The following NECAP1 variants were observed in gnomAD, a reference collection of about 807,000 sequenced individuals.
The protein encoded by NECAP1 is adaptin ear-binding coat-associated protein 1.
A neutral mutation model predicts 33.4 loss-of-function variants in NECAP1; 13 were observed. The ratio of observed to expected loss-of-function variants is 0.39; its 90% confidence interval spans 0.25 to 0.62. The LOEUF is 0.62. Among genes scored for constraint, NECAP1 ranks in the 20% least tolerant of loss-of-function variants. The probability of loss-of-function intolerance (pLI) is 0.52; values close to 1 mark genes in which losing one functional copy is unlikely to be tolerated. For synonymous variants in NECAP1, 109 were observed against 125.2 expected (o/e 0.87, Z 0.86); for missense variants, 272 against 347.4 (o/e 0.78, Z 1.73).
At chr12:8,082,771 C>G (rs1947452554) in intron 1 of NECAP1, 1 of 114,814 alleles carries the variant, frequency 8.7e-6, no homozygotes, top group South Asian at 1.6e-4. Context: ...CTCTCTCTCT[C>G]TCTCACACAC....
chr12:8,085,686 C>CTTCTTT (rs1947481617), intron 1 of NECAP1, among the ~76,000 whole-genome samples: 10 of 104,810 alleles, frequency 9.5e-5, no homozygotes, highest in African/African-American at 1.3e-4. Flanking sequence ...ACTTAATCTT[C>CTTCTTT]TTTTTTTTTT....
chr12:8,087,755 A>G (rs1010751603), intron 1 of NECAP1, among the ~76,000 whole-genome samples: 5 of 152,136 alleles, frequency 3.3e-5, no homozygotes, highest in African/African-American at 4.8e-5. Flanking sequence ...GTAATAACTC[A>G]TTAATATAAT....
intron 1 of NECAP1, among the ~76,000 whole-genome samples, chr12:8,085,194 A>G (rs1180750107): frequency 2.6e-5 from 4 of 152,192 alleles, no homozygotes; most frequent in South Asian, 2.1e-4. Context: ...TAATTTTTGT[A>G]TATTTAGTAG....
chr12:8,083,421 C>CTTTTTTTTTTTTTTT (rs71042328), intron 1 of NECAP1, among the ~76,000 whole-genome samples: 5 of 65,844 alleles, frequency 7.6e-5, no homozygotes, highest in Non-Finnish European at 1.3e-4. Flanking sequence ...TTTGTTTGTT[C>CTTTTTTTTTTTTTTT]TTTTTTTTTT....
At chr12:8,084,416 G>T (rs1947469349) in intron 1 of NECAP1, among the ~76,000 whole-genome samples, 1 of 152,116 alleles carries the variant, frequency 6.6e-6, no homozygotes, top group South Asian at 2.1e-4. Flanking sequence ...TGCACCCTGT[G>T]TGCTTCCATA....
chr12:8,082,677 A>T (rs1160572397), intron 1 of NECAP1: 2 of 368,974 alleles, frequency 5.4e-6, no homozygotes, highest in East Asian at 9.7e-5. Context: ...CCCATCATGC[A>T]CTTTCAGTCG....
At chr12:8,083,387 G>A (rs1292876685) in intron 1 of NECAP1, among the ~76,000 whole-genome samples, 1 of 147,518 alleles carries the variant, frequency 6.8e-6, no homozygotes, top group East Asian at 2.0e-4. Flanking sequence ...TGTAGGAAAT[G>A]CAATAAAGCA....
chr12:8,085,675 CACTT>C (rs1248555804), intron 1 of NECAP1, among the ~76,000 whole-genome samples: 4 of 146,468 alleles, frequency 2.7e-5, no homozygotes, highest in Non-Finnish European at 4.5e-5. Flanking sequence ...AGGATCCTCT[CACTT>C]AATCTTCTTT....
Position 8,097,710 on chromosome 12 carries a change from T to A in NECAP1, c.*1620T>A, listed in dbSNP as rs770108450. The A allele has an allele frequency of 1.6e-4, 24 of 152,642 alleles. No individual in the cohort carries two copies. The highest frequency in any genetic ancestry group is 3.4e-4 in the Non-Finnish European group (23 of 68,036). The allele number at this position is 152,642 out of a possible 1,614,324, so 9.5% of individuals were successfully genotyped here. A position where few individuals can be genotyped will look rare whatever the true frequency, so the allele number is the denominator to read the frequency against. ...TGAAAAATGGAAAATGTTTAAGATA[T>A]ATGTATATAAAGTGTATGCTGTATT... On this transcript the variant is annotated 3_prime_UTR_variant, in exon 8 of 8. Coordinates refer to ENST00000339754, the MANE Select transcript of NECAP1 (RefSeq NM_015509.4).
At position 8,090,313 on chromosome 12, in the gene NECAP1, G is replaced by A. The variant is rs758362815; in HGVS notation, c.301+14G>A. The A allele has an allele frequency of 2.1e-5, 33 of 1,609,398 alleles. No homozygotes were observed. Among genetic ancestry groups the A allele is most frequent in the Non-Finnish European group, 1.5e-5 (18 of 1,175,888 alleles). On this transcript the variant is annotated intron_variant, in intron 3 of 7. Transcript: ENST00000339754. ...AGGATGGTACTGGTAAGAGAACTGG[G>A]ATTTTGAGTGGAACGAAGTTAGGAA...
intron 1 of NECAP1, among the ~76,000 whole-genome samples, chr12:8,087,014 TAAAAA>T (rs796203612): frequency 0.012 from 1,701 of 146,534 alleles, 17 homozygotes; most frequent in Middle Eastern, 0.025. Context: ...TATTTTTTTT[TAAAAA>T]AAAATTCTTC....
chr12:8,090,278 A>G lies in NECAP1; in HGVS notation c.280A>G (p.Ile94Val). The change falls in exon 3 of 8, where the codon ATC (isoleucine) becomes GTC (valine). Residue 94 changes from isoleucine to valine, a missense_variant. Physicochemically the swap from Ile to Val is conservative, Grantham distance 29. Transcript: ENST00000339754. The part of the protein sequence containing the change: ...TVTDSSRYFV[I>V]RIQDGTGRSA... ...GACAGATTCTAGCCGCTACTTTGTA[A>G]TCCGGATCCAGGATGGTACTGGTAA... 1 of 1,614,204 alleles carries G rather than the reference A, an allele frequency of 6.2e-7. No individual in the cohort carries two copies. The highest frequency in any genetic ancestry group is 8.5e-7 in the Non-Finnish European group (1 of 1,180,032).
rs1591597773 is a variant in NECAP1 at position 8,096,179 on chromosome 12, C to T, written c.*89C>T. 5.2e-6 allele frequency: 7 copies of T among 1,349,774 alleles called. No individual in the cohort carries two copies. In the East Asian group the frequency reaches 1.4e-4, roughly 27 times the overall value. The allele number at this position is 1,349,774 out of a possible 1,614,324, so 83.6% of individuals were successfully genotyped here. ...TGTGAGGGAAGTTAGGAACCCATTT[C>T]CTCCCCAGAACCAGAATGACTGGAC... On this transcript the variant is annotated 3_prime_UTR_variant, in exon 8 of 8. Transcript: ENST00000339754.
At chr12:8,083,067 C>A (rs1463958202) in intron 1 of NECAP1, 1 of 152,260 alleles carries the variant, frequency 6.6e-6, no homozygotes, top group East Asian at 1.9e-4. Context: ...TCCCTACCTC[C>A]CTTCTTAACC....
intron 1 of NECAP1, chr12:8,083,040 G>A (rs977489688): frequency 2.6e-5 from 4 of 152,200 alleles, no homozygotes; most frequent in African/African-American, 9.7e-5. Context: ...TGATTATATA[G>A]TATTTTCTGT....
Position 8,086,294 on chromosome 12 carries a change from A to T in NECAP1, c.96-3642A>T, listed in dbSNP as rs1230949143. ...CTTTCACTGACCAGACTTCTAGACT[A>T]TGGGAAGGAAAATTTGGGTTGACAA... On this transcript the variant is annotated intron_variant, in intron 1 of 7. Coordinates refer to ENST00000339754, the MANE Select transcript of NECAP1 (RefSeq NM_015509.4). Among the ~76,000 whole-genome samples, 3 of 152,088 alleles carry T rather than the reference A, an allele frequency of 2.0e-5. No individual in the cohort carries two copies. In the East Asian group the frequency reaches 5.8e-4, roughly 29 times the overall value.
chr12:8,090,422 T>C, intron 3 of NECAP1, 123 bp downstream of exon 3: 1 of 860,850 alleles, frequency 1.2e-6, no homozygotes, highest in Admixed American at 2.6e-5. Context: ...TCCCTTTCTC[T>C]AAAGTTGCTC....
chr12:8,082,306 G>C lies in NECAP1; in HGVS notation c.18G>C (p.Glu6Asp), dbSNP rs780652766. 1 of 1,604,112 alleles carries C rather than the reference G, an allele frequency of 6.2e-7. No individual in the cohort carries two copies. The highest frequency in any genetic ancestry group is 8.5e-7 in the Non-Finnish European group (1 of 1,171,646). Residue 6 changes from glutamate (E) to aspartate (D), a missense_variant, in exon 1 of 8, where the codon GAG (glutamate) becomes GAC (aspartate). Coordinates refer to ENST00000339754, the MANE Select transcript of NECAP1 (RefSeq NM_015509.4). MATEL[E>D]YESVLCVKPD... ...GACCCAAGATGGCGACCGAGTTGGA[G>C]TACGAGTCTGTGCTGTGTGTGAAGC...
At position 8,096,206 on chromosome 12, in the gene NECAP1, A is replaced by G. The variant is rs1031460618; in HGVS notation, c.*116A>G. 17 of 1,009,068 alleles carry G rather than the reference A, an allele frequency of 1.7e-5. No homozygotes were observed. The highest frequency in any genetic ancestry group is 3.2e-5 in the African/African-American group (2 of 61,898). The allele number at this position is 1,009,068 out of a possible 1,614,324, so 62.5% of individuals were successfully genotyped here. ...TCCCCAGAACCAGAATGACTGGACAATCTTTTTCATAGCTTCTCCATCACA... is the reference window on the plus strand; with the variant it reads ...TCCCCAGAACCAGAATGACTGGACAGTCTTTTTCATAGCTTCTCCATCACA... On this transcript the variant is annotated 3_prime_UTR_variant, in exon 8 of 8. Coordinates refer to ENST00000339754, the MANE Select transcript of NECAP1 (RefSeq NM_015509.4).
Sources: allele counts gnomAD v4.1 joint callset (sites outside exome capture counted in the v4.1 genomes callset), GRCh38; gene constraint gnomAD v4.1.1; transcripts MANE v1.5; gene names NCBI Gene and HGNC (gene_info 2026-07-23, HGNC 2026-07-21).